Variants in AGBL1 observed in about 807,000 individuals in gnomAD.
AGBL1 encodes AGBL carboxypeptidase 1, also known as cytosolic carboxypeptidase 4.
AGBL1 carries 130 observed loss-of-function variants against 118.9 expected under a neutral mutation model. That is an observed-to-expected ratio of 1.09 (90% CI 0.95 to 1.26). The LOEUF (loss-of-function observed/expected upper bound fraction) is 1.26, where lower values mean the gene tolerates loss of function less well. Ranked by LOEUF, AGBL1 falls within the 50% of genes most tolerant of loss-of-function variation. The pLI is 0.00. For synonymous variants in AGBL1, 555 were observed against 478.9 expected (o/e 1.16, Z -2.08); for missense variants, 1,584 against 1,298.1 (o/e 1.22, Z -3.38).
chr15:86,772,354 T>C (rs2078194047), intron 22 of AGBL1, among the ~76,000 whole-genome samples: 1 of 152,068 alleles, frequency 6.6e-6, no homozygotes, highest in Non-Finnish European at 1.5e-5. Context: ...GATGTTTCTG[T>C]GTGGGAAACC....
chr15:86,623,688 C>G (rs1367963594), intron 21 of AGBL1, among the ~76,000 whole-genome samples: 1 of 152,184 alleles, frequency 6.6e-6, no homozygotes, highest in Non-Finnish European at 1.5e-5. Flanking sequence ...GTCAGTTCCT[C>G]CAGCACAAAT....
intron 18 of AGBL1, among the ~76,000 whole-genome samples, chr15:86,406,001 G>A (rs1486258446): frequency 6.6e-6 from 1 of 152,214 alleles, no homozygotes; most frequent in Non-Finnish European, 1.5e-5. Context: ...TCAGTGCACA[G>A]CAGGCACAGC....
intron 5 of AGBL1, among the ~76,000 whole-genome samples, chr15:86,166,330 G>A (rs1199037503): frequency 6.6e-6 from 1 of 152,184 alleles, no homozygotes; most frequent in African/African-American, 2.4e-5. Context: ...TATGAGGAAG[G>A]CCTTGCATTC....
At chr15:86,772,656 G>A (rs1167989268) in intron 22 of AGBL1, among the ~76,000 whole-genome samples, 1 of 151,884 alleles carries the variant, frequency 6.6e-6, no homozygotes, top group Non-Finnish European at 1.5e-5. Flanking sequence ...GGAAATAAGG[G>A]GTCTGAAAAT....
At chr15:86,303,219 G>A (rs1374043132) in intron 17 of AGBL1, among the ~76,000 whole-genome samples, 1 of 152,184 alleles carries the variant, frequency 6.6e-6, no homozygotes, top group Admixed American at 6.6e-5. Context: ...CTTTTTCATA[G>A]AGCAATTTGA....
At chr15:86,832,460 C>A (rs2079118047) in intron 22 of AGBL1, among the ~76,000 whole-genome samples, 1 of 152,174 alleles carries the variant, frequency 6.6e-6, no homozygotes, top group South Asian at 2.1e-4. Flanking sequence ...CCCTAGTCAC[C>A]TCTTGAATGC....
At chr15:86,320,207 G>A (rs1488275856) in intron 17 of AGBL1, among the ~76,000 whole-genome samples, 2 of 152,128 alleles carry the variant, frequency 1.3e-5, no homozygotes, top group East Asian at 3.8e-4. Context: ...GGGAAAAAAG[G>A]ACATTCCTAT....
At chr15:86,210,701 A>G (rs181502165) in intron 5 of AGBL1, among the ~76,000 whole-genome samples, 1 of 152,098 alleles carries the variant, frequency 6.6e-6, no homozygotes, top group Non-Finnish European at 1.5e-5. Context: ...TGTTTATTTT[A>G]GTTAGCCATT....
At chr15:86,147,650 G>A (rs2077050894) in intron 3 of AGBL1, among the ~76,000 whole-genome samples, 1 of 152,208 alleles carries the variant, frequency 6.6e-6, no homozygotes, top group African/African-American at 2.4e-5. Context: ...AAGGCCTACT[G>A]CCTCTAGACT....
At chr15:86,342,763 CAT>C (rs1465643213) in intron 17 of AGBL1, among the ~76,000 whole-genome samples, 2 of 152,048 alleles carry the variant, frequency 1.3e-5, no homozygotes, top group Non-Finnish European at 2.9e-5. Context: ...AAATAACAAA[CAT>C]ATAGAATACC....
At chr15:87,001,388 A>G (rs907267037) in intron 24 of AGBL1, among the ~76,000 whole-genome samples, 1 of 152,036 alleles carries the variant, frequency 6.6e-6, no homozygotes, top group Admixed American at 6.6e-5. Flanking sequence ...TCATTGTTGG[A>G]CATTTGGCTT....
intron 1 of AGBL1, among the ~76,000 whole-genome samples, chr15:86,106,339 A>G (rs561118611): frequency 2.0e-5 from 3 of 152,342 alleles, no homozygotes; most frequent in South Asian, 4.1e-4. Flanking sequence ...ATTTTCATGC[A>G]TGATATTCTG....
Position 86,223,396 on chromosome 15 carries a change from C to G in AGBL1, c.489-1518C>G, listed in dbSNP as rs1443711494. On this transcript the variant is annotated intron_variant, in intron 5 of 22. Coordinates refer to ENST00000614907, the MANE Select transcript of AGBL1 (RefSeq NM_001386094.1). ...TGATGAAATTAATTAGGCTGTTCTG[C>G]TTTTCCCAAAACACTGATTTTCTTT... Among the ~76,000 whole-genome samples the G allele has an allele frequency of 3.3e-5, 5 of 152,142 alleles. No homozygotes were observed. The East Asian group carries it at 9.6e-4, about 29-fold the overall frequency.
chr15:86,633,090 G>C lies in AGBL1; in HGVS notation c.2995-41183G>C, dbSNP rs114379912. Among the ~76,000 whole-genome samples the C allele has an allele frequency of 3.0e-3, 464 of 152,146 alleles. 1 individual carries two copies. Among genetic ancestry groups the C allele is most frequent in the African/African-American group, 0.011 (439 of 41,508 alleles). On this transcript the variant is annotated intron_variant, in intron 21 of 22. Coordinates refer to ENST00000614907, the MANE Select transcript of AGBL1 (RefSeq NM_001386094.1). ...AAATAAATCTACACTTAGACAAGTAGTAAGAATTCAGAACAATAAAGACAA... is the reference window on the plus strand; with the variant it reads ...AAATAAATCTACACTTAGACAAGTACTAAGAATTCAGAACAATAAAGACAA...
chr15:86,175,234 C>A, intron 5 of AGBL1, among the ~76,000 whole-genome samples: 1 of 152,014 alleles, frequency 6.6e-6, no homozygotes, highest in Admixed American at 6.6e-5. Context: ...CTTCCTGGTT[C>A]AATCTTGGTA....
At chr15:86,254,101 T>G (rs1389615497) in intron 7 of AGBL1, among the ~76,000 whole-genome samples, 1 of 152,208 alleles carries the variant, frequency 6.6e-6, no homozygotes, top group African/African-American at 2.4e-5. Flanking sequence ...CCTTTTCCAC[T>G]AAAATGCCTT....
chr15:86,966,788 C>G (rs1006919819), intron 23 of AGBL1, among the ~76,000 whole-genome samples: 3 of 151,958 alleles, frequency 2.0e-5, no homozygotes, highest in East Asian at 1.9e-4. Context: ...ATAAACATAC[C>G]TGTGCATGTG....
intron 1 of AGBL1, among the ~76,000 whole-genome samples, chr15:86,101,271 C>A (rs1023514201): frequency 6.6e-6 from 1 of 151,942 alleles, no homozygotes; most frequent in African/African-American, 2.4e-5. Flanking sequence ...TGTTGTCGTC[C>A]TAACATTTGG....
At chr15:86,554,239 A>C (rs1180456277) in intron 20 of AGBL1, 122 bp from the exon 21 acceptor site, 1 of 857,610 alleles carries the variant, frequency 1.2e-6, no homozygotes, top group African/African-American at 1.8e-5. Context: ...AGGGTTAATA[A>C]ATGATTTAAA....
Sources: gnomAD v4.1 joint callset for allele counts (sites outside exome capture counted in the v4.1 genomes callset) on GRCh38, gnomAD v4.1.1 for gene constraint, MANE v1.5 for transcripts, NCBI Gene and HGNC (gene_info 2026-07-23, HGNC 2026-07-21) for gene names.